Variants in HCN1 observed in about 807,000 individuals in gnomAD.
HCN1 encodes hyperpolarization activated cyclic nucleotide gated potassium channel 1.
Under a neutral mutation model 78.9 loss-of-function variants are expected in HCN1, and 13 were observed. That is an observed-to-expected ratio of 0.16 (90% CI 0.11 to 0.26). The LOEUF (loss-of-function observed/expected upper bound fraction) is 0.26, where lower values mean the gene tolerates loss of function less well. Among genes scored for constraint, HCN1 ranks in the 10% least tolerant of loss-of-function variants. HCN1 has a pLI of 1.00. For missense variants in HCN1, 810 were observed against 1,154.3 expected, an observed-to-expected ratio of 0.70 and a Z score of 4.32; for synonymous variants, 552 against 455.5, an observed-to-expected ratio of 1.21 and a Z score of -2.70.
At chr5:45,505,358 A>T (rs1742277638) in intron 2 of HCN1, among the ~76,000 whole-genome samples, 1 of 152,158 alleles carries the variant, frequency 6.6e-6, no homozygotes, top group African/African-American at 2.4e-5. Flanking sequence ...TTAAATAGGG[A>T]ATCCTTTCCC....
At chr5:45,661,836 C>G (rs1271037823) in intron 1 of HCN1, among the ~76,000 whole-genome samples, 1 of 4,358 alleles carries the variant, frequency 2.3e-4, no homozygotes, top group Non-Finnish European at 4.1e-4. Flanking sequence ...CAAAAAGAGT[C>G]CAGGACCAGA....
chr5:45,658,805 G>C (rs1035573516), intron 1 of HCN1, among the ~76,000 whole-genome samples: 9 of 151,796 alleles, frequency 5.9e-5, no homozygotes, highest in African/African-American at 2.2e-4. Flanking sequence ...AGGGTCCTAC[G>C]CCCACGGAAT....
In HCN1 at chr5:45,597,773, AACAG is replaced by A. The variant is rs1399584673; in HGVS notation, c.849+47408_849+47411del. Among the ~76,000 whole-genome samples, 13 of 151,890 alleles carry A rather than the reference AACAG, an allele frequency of 8.6e-5. No individual in the cohort carries two copies. The East Asian group carries it at 1.2e-3, about 14-fold the overall frequency. On this transcript the variant is annotated intron_variant, in intron 2 of 7. Coordinates refer to ENST00000303230, the MANE Select transcript of HCN1 (RefSeq NM_021072.4). ...AACACAAGCATTACTATACAGCAATAACAGACAGACAGCCAAATCATGAGTGAAC... is the reference window on the plus strand; with the variant it reads ...AACACAAGCATTACTATACAGCAATAACAGACAGCCAAATCATGAGTGAAC...
rs564079433 is a variant in HCN1 at position 45,556,113 on chromosome 5, A to C, written c.849+89072T>G. ...CTCAAACTATAAAACCACTAAAAGA[A>C]AACATTAAGGAAACTCCCCAGGACA... On this transcript the variant is annotated intron_variant, in intron 2 of 7. Transcript: ENST00000303230. Among the ~76,000 whole-genome samples, 7 of 152,134 alleles carry C rather than the reference A, an allele frequency of 4.6e-5. No homozygotes were observed. In the South Asian group the frequency reaches 1.4e-3, roughly 31 times the overall value.
At chr5:45,376,302 T>TAGA (rs1747671746) in intron 4 of HCN1, among the ~76,000 whole-genome samples, 2 of 2,254 alleles carry the variant, frequency 8.9e-4, no homozygotes, top group Admixed American at 3.6e-3. Flanking sequence ...TATTGTATTA[T>TAGA]ATATAAAATA....
intron 4 of HCN1, among the ~76,000 whole-genome samples, chr5:45,354,595 T>A (rs527261917): frequency 1.3e-5 from 2 of 152,158 alleles, no homozygotes; most frequent in African/African-American, 4.8e-5. Context: ...TTTTATTGCA[T>A]CTCTTCATTT....
intron 4 of HCN1, among the ~76,000 whole-genome samples, chr5:45,359,014 A>G (rs890147923): frequency 6.6e-6 from 1 of 152,020 alleles, no homozygotes; most frequent in Non-Finnish European, 1.5e-5. Flanking sequence ...ATAAGCCCCT[A>G]TTCTTTCTGT....
At chr5:45,606,649 G>T (rs1026076131) in intron 2 of HCN1, among the ~76,000 whole-genome samples, 1 of 151,736 alleles carries the variant, frequency 6.6e-6, no homozygotes, top group Non-Finnish European at 1.5e-5. Context: ...CATCTATCTA[G>T]GCCTGGCTTT....
chr5:45,491,521 T>C (rs1741886630), intron 2 of HCN1, among the ~76,000 whole-genome samples: 1 of 152,230 alleles, frequency 6.6e-6, no homozygotes, highest in African/African-American at 2.4e-5. Context: ...ATAGACTTGC[T>C]AGTTACTTAT....
At chr5:45,577,463 A>G (rs556566135) in intron 2 of HCN1, among the ~76,000 whole-genome samples, 1 of 152,212 alleles carries the variant, frequency 6.6e-6, no homozygotes, top group African/African-American at 2.4e-5. Context: ...CATGTATTCA[A>G]TTTGAAAAGC....
intron 6 of HCN1, among the ~76,000 whole-genome samples, chr5:45,301,430 C>A (rs1745618713): frequency 6.6e-6 from 1 of 151,048 alleles, no homozygotes; most frequent in Non-Finnish European, 1.5e-5. Context: ...ATGTGAAAAG[C>A]AATTCCAGTC....
chr5:45,695,916 T>G lies in HCN1; in HGVS notation c.178A>C (p.Lys60Gln), dbSNP rs2112109404. ...CCACCGCCGCCACCGCCGTCCACCT[T>G]GAAGCACACGGAGTTGCCGTGCTCC... ...AKEHGNSVCF[K>Q]VDGGGGGGGG... Residue 60 changes from lysine (K) to glutamine (Q), a missense_variant, in exon 1 of 8, where the codon AAG (lysine) becomes CAG (glutamine). Physicochemically the swap from Lys to Gln is moderately conservative, Grantham distance 53 (BLOSUM62 1). Coordinates refer to ENST00000303230, the MANE Select transcript of HCN1 (RefSeq NM_021072.4). 1 of 1,501,942 alleles carries G rather than the reference T, an allele frequency of 6.7e-7. No individual in the cohort carries two copies. Among genetic ancestry groups the G allele is most frequent in the South Asian group, 1.2e-5 (1 of 80,094 alleles). 93.0% of individuals were successfully genotyped at this position (1,501,942 alleles called of 1,614,324 possible).
intron 2 of HCN1, among the ~76,000 whole-genome samples, chr5:45,612,478 T>C (rs1579998971): frequency 6.6e-6 from 1 of 152,192 alleles, no homozygotes; most frequent in African/African-American, 2.4e-5. Flanking sequence ...TGAAATCATT[T>C]TATTATTTTA....
chr5:45,401,100 CAGTAACACTCCCAAG>C (rs1275793301), intron 3 of HCN1, among the ~76,000 whole-genome samples: 1 of 152,086 alleles, frequency 6.6e-6, no homozygotes, highest in African/African-American at 2.4e-5. Flanking sequence ...TTCTTTCTGT[CAGTAACACTCCCAAG>C]AGTGTGATTG....
chr5:45,469,499 T>G (rs1179470991), intron 2 of HCN1, among the ~76,000 whole-genome samples: 2 of 152,032 alleles, frequency 1.3e-5, no homozygotes, highest in Non-Finnish European at 2.9e-5. Context: ...CATATTTAAA[T>G]GAGGCGAAAA....
At chr5:45,666,896 T>C (rs1746061094) in intron 1 of HCN1, among the ~76,000 whole-genome samples, 1 of 151,894 alleles carries the variant, frequency 6.6e-6, no homozygotes, top group Non-Finnish European at 1.5e-5. Flanking sequence ...TGCAGACAAA[T>C]TGGAAGATAT....
intron 7 of HCN1, among the ~76,000 whole-genome samples, chr5:45,263,794 T>C (rs1394471446): frequency 6.6e-6 from 1 of 151,830 alleles, no homozygotes; most frequent in African/African-American, 2.4e-5. Context: ...TATTTTATTT[T>C]ATTTATTTAT....
intron 1 of HCN1, among the ~76,000 whole-genome samples, chr5:45,661,783 T>A (rs1302644009): frequency 2.8e-5 from 1 of 35,406 alleles, no homozygotes; most frequent in Admixed American, 3.6e-4. Context: ...AATAGACCAA[T>A]AACAGGCTCT....
chr5:45,564,254 C>T (rs1326404021), intron 2 of HCN1, among the ~76,000 whole-genome samples: 1 of 151,294 alleles, frequency 6.6e-6, no homozygotes, highest in Admixed American at 6.6e-5. Context: ...GTGGGTGAAC[C>T]TTTAGGAAGC....
Sources: allele counts gnomAD v4.1 joint callset (sites outside exome capture counted in the v4.1 genomes callset), GRCh38; gene constraint gnomAD v4.1.1; transcripts MANE v1.5; gene names NCBI Gene and HGNC (gene_info 2026-07-23, HGNC 2026-07-21).